Variants in KRT81 observed in about 807,000 individuals in gnomAD.
KRT81 encodes keratin 81.
KRT81 carries 35 observed loss-of-function variants against 35.8 expected under a neutral mutation model. The observed-to-expected ratio is 0.98, with a 90% CI of 0.75 to 1.30. The LOEUF is 1.30. Among genes scored for constraint, KRT81 ranks in the 50% most tolerant of loss-of-function variants. The pLI is 0.00. For synonymous variants in KRT81, 249 were observed against 251.2 expected (o/e 0.99, Z 0.08); for missense variants, 531 against 577.4 (o/e 0.92, Z 0.82).
intron 3 of KRT81, 78 bp from the exon 4 acceptor site, chr12:52,288,534 C>T: frequency 6.4e-7 from 1 of 1,552,654 alleles, no homozygotes; most frequent in Non-Finnish European, 8.9e-7. Flanking sequence ...CCATCCATTC[C>T]ATGTAGCCAG....
intron 8 of KRT81, 125 bp from the exon 9 acceptor site, chr12:52,286,618 A>T: frequency 8.3e-7 from 1 of 1,207,264 alleles, no homozygotes; most frequent in Non-Finnish European, 1.2e-6. Flanking sequence ...GGACAATTCT[A>T]GGTCCATCTA....
intron 6 of KRT81, 27 bp from the exon 7 acceptor site, chr12:52,287,349 G>A (rs1329040690): frequency 6.2e-7 from 1 of 1,613,402 alleles, no homozygotes; most frequent in East Asian, 2.2e-5. Flanking sequence ...GAACAAGGTA[G>A]ATTAGAGTCC....
Position 52,286,030 on chromosome 12 carries a change from T to G in KRT81, c.*225A>C. On this transcript the variant is annotated 3_prime_UTR_variant, in exon 9 of 9. Coordinates refer to ENST00000327741, the MANE Select transcript of KRT81 (RefSeq NM_002281.4). ...GGCCCTTCCTGCTCCTGAGGCCCCT[T>G]CCTATGGGTGCCAGCGGACTTCTTT... 1 of 581,200 alleles carries G rather than the reference T, an allele frequency of 1.7e-6. No homozygotes were observed. Among genetic ancestry groups the G allele is most frequent in the South Asian group, 2.0e-5 (1 of 49,764 alleles). 36.0% of individuals were successfully genotyped at this position (581,200 alleles called of 1,614,324 possible). A position where few individuals can be genotyped will look rare whatever the true frequency, so the allele number is the denominator to read the frequency against.
chr12:52,286,572 CTGAGCTCTGGTA>C (rs964961918), intron 8 of KRT81, 79 bp from the exon 9 acceptor site: 3 of 1,414,192 alleles, frequency 2.1e-6, no homozygotes, highest in Non-Finnish European at 2.9e-6. Context: ...TGCCCAAGAC[CTGAGCTCTGGTA>C]TGAAAAGTCA....
chr12:52,286,192 T>C lies in KRT81; in HGVS notation c.*63A>G. The stretch of plus-strand genomic sequence containing the variant: ...GAGCACTTGCTCCAGGCGCCTGGAC[T>C]GGATGGGCCAAGCAAGGCAGGGCAG... On this transcript the variant is annotated 3_prime_UTR_variant, in exon 9 of 9. Transcript: ENST00000327741. 7.2e-7 allele frequency: 1 copy of C among 1,383,270 alleles called. No homozygotes were observed. The highest frequency in any genetic ancestry group is 1.2e-5 in the South Asian group (1 of 80,478). 85.7% of individuals were successfully genotyped at this position (1,383,270 alleles called of 1,614,324 possible).
chr12:52,288,336 T>G (rs376872589), intron 4 of KRT81, 25 bp downstream of exon 4: 9 of 1,613,534 alleles, frequency 5.6e-6, no homozygotes, highest in Non-Finnish European at 6.8e-6. Flanking sequence ...GCTGCCAGGT[T>G]TCTGTCTGGC....
Position 52,286,163 on chromosome 12 carries a change from A to G in KRT81, c.*92T>C. The G allele has an allele frequency of 1.0e-6, 1 of 986,044 alleles. No homozygotes were observed. The highest frequency in any genetic ancestry group is 2.6e-5 in the East Asian group (1 of 38,326). 61.1% of individuals were successfully genotyped at this position (986,044 alleles called of 1,614,324 possible). A position where few individuals can be genotyped will look rare whatever the true frequency, so the allele number is the denominator to read the frequency against. ...GGGTCTTTCAAAGTGCAGGAGAAGT[A>G]GCTGAGCACTTGCTCCAGGCGCCTG... On this transcript the variant is annotated 3_prime_UTR_variant, in exon 9 of 9. Coordinates refer to ENST00000327741, the MANE Select transcript of KRT81 (RefSeq NM_002281.4).
intron 6 of KRT81, 76 bp from the exon 7 acceptor site, chr12:52,287,398 C>T: frequency 2.5e-6 from 4 of 1,588,400 alleles, no homozygotes; most frequent in Non-Finnish European, 3.4e-6. Context: ...AGACCACACT[C>T]CCCACCAAGC....
chr12:52,288,827 C>G (rs937368638), intron 3 of KRT81, among the ~76,000 whole-genome samples: 5 of 152,098 alleles, frequency 3.3e-5, no homozygotes, highest in African/African-American at 9.7e-5. Context: ...CTCCATCCCC[C>G]CTTAGACCCT....
Position 52,287,993 on chromosome 12 carries a change from G to A in KRT81, c.891C>T (p.Tyr297=), listed in dbSNP as rs758073682. 1.5e-5 allele frequency: 25 copies of A among 1,614,090 alleles called. No homozygotes were observed. The highest frequency in any genetic ancestry group is 2.1e-5 in the Non-Finnish European group (25 of 1,180,048). The change falls in exon 5 of 9, where the codon TAC becomes TAT. Residue 297 remains tyrosine, a synonymous_variant. Coordinates refer to ENST00000327741, the MANE Select transcript of KRT81 (RefSeq NM_002281.4). The part of the protein sequence containing the change: ...TRSRAEAESW[Y]RSKCEEMKAT... ...GTCCTGTGCCACTCACCTTGCTGCG[G>A]TACCAGGACTCGGCCTCGGCCCGGC...
chr12:52,286,706 A>G, intron 8 of KRT81, 85 bp downstream of exon 8: 2 of 1,443,304 alleles, frequency 1.4e-6, no homozygotes, highest in Non-Finnish European at 1.9e-6. Context: ...TTTATATTCA[A>G]TCTCAGTAAC....
At position 52,286,233 on chromosome 12, in the gene KRT81, C is replaced by A. The variant is rs1439656354; in HGVS notation, c.*22G>T. The stretch of plus-strand genomic sequence containing the variant: ...GGCAGGGCAGGAAAGATGCCTGGGG[C>A]CTGGGACTTGAGTTGGGGTGCCTAA... On this transcript the variant is annotated 3_prime_UTR_variant, in exon 9 of 9. Coordinates refer to ENST00000327741, the MANE Select transcript of KRT81 (RefSeq NM_002281.4). 3.9e-6 allele frequency: 6 copies of A among 1,545,772 alleles called. No individual in the cohort carries two copies. The highest frequency in any genetic ancestry group is 5.3e-6 in the Non-Finnish European group (6 of 1,141,654).
At position 52,288,011 on chromosome 12, in the gene KRT81, G is replaced by C. The variant is rs200239075; in HGVS notation, c.873C>G (p.Ala291=). The change falls in exon 5 of 9, where the codon GCC becomes GCG. Residue 291 remains alanine, a synonymous_variant. Transcript: ENST00000327741. ...QYDDIVTRSR[A]EAESWYRSKC... The stretch of plus-strand genomic sequence containing the variant: ...TGCTGCGGTACCAGGACTCGGCCTC[G>C]GCCCGGCTGCGGGTGACAATGTCGT... 128 of 1,614,204 alleles carry C rather than the reference G, an allele frequency of 7.9e-5. 2 individuals carry two copies. In the Admixed American group the frequency reaches 2.0e-3, roughly 26 times the overall value.
Position 52,286,467 on chromosome 12 carries a change from C to G in KRT81, c.1306G>C (p.Val436Leu). Residue 436 changes from valine (V) to leucine (L), a missense_variant, in exon 9 of 9, where the codon GTG becomes CTG. This residue lies in a region of KRT81 where 150 missense variants were observed against 145.4 expected (regional missense o/e 1.03). Transcript: ENST00000327741. Reference sequence around the variant, plus strand: ...CCTGACACGCAGAGGTCCCCGCACACGACCCCGCCCCGGGAGCTGCTGACA... The same window carrying G: ...CCTGACACGCAGAGGTCCCCGCACAGGACCCCGCCCCGGGAGCTGCTGACA... ...VCVSSSRGGV[V>L]CGDLCVSGSR... The G allele has an allele frequency of 6.4e-7, 1 of 1,552,424 alleles. No individual in the cohort carries two copies. The highest frequency in any genetic ancestry group is 1.2e-5 in the South Asian group (1 of 84,144).
intron 6 of KRT81, 99 bp downstream of exon 6, chr12:52,287,497 G>A (rs979808341): frequency 1.7e-5 from 28 of 1,607,522 alleles, no homozygotes; most frequent in Non-Finnish European, 2.2e-5. Context: ...GACAAAGGGG[G>A]TGGAGAATGA....
intron 7 of KRT81, 116 bp downstream of exon 7, chr12:52,286,986 G>A: frequency 6.3e-7 from 1 of 1,583,948 alleles, no homozygotes; most frequent in Non-Finnish European, 8.6e-7. Context: ...CACACCGGAA[G>A]TGAATAATAA....
In KRT81 at chr12:52,291,170, G is replaced by A. The variant is rs1938104582; in HGVS notation, c.296C>T (p.Ala99Val). The A allele has an allele frequency of 5.9e-6, 7 of 1,195,856 alleles. No homozygotes were observed. Among genetic ancestry groups the A allele is most frequent in the South Asian group, 1.5e-5 (1 of 66,856 alleles). The allele number at this position is 1,195,856 out of a possible 1,614,324, so 74.1% of individuals were successfully genotyped here. ...TPLNLEIDPN[A>V]QCVKQEEKEQ... ...CTTCTCCTCCTGCTTCACGCACTGC[G>A]CGTTGGGGTCGATCTCCAGGTTGAG... The change falls in exon 1 of 9, where the codon GCG becomes GTG. Residue 99 changes from alanine to valine, a missense_variant. Ala to Val is a moderately conservative substitution (Grantham distance 64). Transcript: ENST00000327741.
chr12:52,286,978 C>T, intron 7 of KRT81, 124 bp downstream of exon 7: 1 of 1,571,788 alleles, frequency 6.4e-7, no homozygotes, highest in Non-Finnish European at 8.7e-7. Flanking sequence ...GCCCTCCCCA[C>T]ACCGGAAGTG....
At chr12:52,286,977 A>G in intron 7 of KRT81, 125 bp downstream of exon 7, 1 of 1,569,636 alleles carries the variant, frequency 6.4e-7, no homozygotes. Flanking sequence ...AGCCCTCCCC[A>G]CACCGGAAGT....
Sources: gnomAD v4.1 joint callset for allele counts (sites outside exome capture counted in the v4.1 genomes callset) on GRCh38, gnomAD v4.1.1 for gene constraint, gnomAD v4.1.1 regional missense constraint, MANE v1.5 for transcripts, NCBI Gene and HGNC (gene_info 2026-07-23, HGNC 2026-07-21) for gene names.